Variants in GOSR2 observed in about 807,000 individuals in gnomAD.
GOSR2 encodes 27 kDa Golgi SNARE protein.
A neutral mutation model predicts 27.9 loss-of-function variants in GOSR2; 20 were observed. The ratio of observed to expected loss-of-function variants is 0.72; its 90% CI spans 0.50 to 1.04. GOSR2 has a LOEUF of 1.04. Ranked by LOEUF, GOSR2 falls within the 50% of genes least tolerant of loss-of-function variation. The pLI is 0.00. For synonymous variants in GOSR2, 91 were observed against 98.8 expected (o/e 0.92, Z 0.47); for missense variants, 261 against 270.5 (o/e 0.97, Z 0.25).
intron 6 of GOSR2, among the ~76,000 whole-genome samples, chr17:46,956,277 CTTTTTTTTTTTTTT>C (rs869045527): frequency 9.6e-5 from 6 of 62,628 alleles, no homozygotes; most frequent in African/African-American, 3.7e-4. Context: ...CTTGCCAGTC[CTTTTTTTTTTTTTT>C]TTTTTTTTTT....
chr17:46,960,446 G>A (rs113762664), intron 6 of GOSR2, among the ~76,000 whole-genome samples: 105 of 152,316 alleles, frequency 6.9e-4, no homozygotes, highest in African/African-American at 2.4e-3. Context: ...CAGTTTGGCA[G>A]TGTCTTACAG....
At chr17:46,968,862 A>G (rs2091362531), downstream of GOSR2, 1 of 152,262 alleles carries the variant, frequency 6.6e-6, no homozygotes, top group Non-Finnish European at 1.5e-5. Context: ...CAGACCCCCA[A>G]GGATTCTGAT....
downstream of GOSR2, among the ~76,000 whole-genome samples, chr17:46,946,299 A>G (rs1201268574): frequency 1.3e-4 from 18 of 142,988 alleles, no homozygotes; most frequent in South Asian, 2.2e-4. Flanking sequence ...AAAAAAAAAA[A>G]AAAGAAAAGA....
chr17:46,950,283 G>A (rs1291138443), intron 6 of GOSR2, among the ~76,000 whole-genome samples: 1 of 152,206 alleles, frequency 6.6e-6, no homozygotes, highest in Non-Finnish European at 1.5e-5. Flanking sequence ...CCCAGAGAGT[G>A]TGGACTCTCT....
intron 2 of GOSR2, chr17:46,930,540 G>A (rs2089365062): frequency 6.5e-6 from 1 of 153,388 alleles, no homozygotes; most frequent in South Asian, 2.1e-4. Context: ...TTATTTTGGG[G>A]ACGTCAACAT....
chr17:46,929,117 T>C (rs1490939919), intron 1 of GOSR2, among the ~76,000 whole-genome samples: 2 of 152,190 alleles, frequency 1.3e-5, no homozygotes, highest in African/African-American at 4.8e-5. Flanking sequence ...TACAGGCCAG[T>C]GCTTAGCACA....
rs2088940496 is a variant in GOSR2 at position 46,939,395 on chromosome 17, G to C, written c.*635G>C. On this transcript the variant is annotated 3_prime_UTR_variant, in exon 6 of 6. Transcript: ENST00000640051. ...GTAAGATTTTCCACACTACAGCTGG[G>C]TGTTTCTCTTTTCTAAAGTGAGGCC... is the stretch of plus-strand genomic sequence containing the variant. 49 of 995,636 alleles carry C rather than the reference G, an allele frequency of 4.9e-5. No individual in the cohort carries two copies. The highest frequency in any genetic ancestry group is 5.6e-5 in the Non-Finnish European group (47 of 834,848). 61.7% of individuals were successfully genotyped at this position (995,636 alleles called of 1,614,324 possible).
intron 6 of GOSR2, chr17:46,965,175 C>T (rs2091257075): frequency 6.6e-6 from 1 of 152,162 alleles, no homozygotes; most frequent in Admixed American, 6.5e-5. Flanking sequence ...TGGGCAGGGC[C>T]CAGGGCATAG....
Position 46,941,053 on chromosome 17 carries a change from G to C in GOSR2, c.*2293G>C. On this transcript the variant is annotated 3_prime_UTR_variant, in exon 6 of 6. Transcript: ENST00000640051. ...AGGTCGAGCTGATGCAAGAAACTCC[G>C]GTAGCCAGCCTCTGTGACCTTGTAC... The C allele has an allele frequency of 1.8e-6, 2 of 1,084,342 alleles. No individual in the cohort carries two copies. The highest frequency in any genetic ancestry group is 1.1e-6 in the Non-Finnish European group (1 of 888,048). 67.2% of individuals were successfully genotyped at this position (1,084,342 alleles called of 1,614,324 possible).
At chr17:46,934,118 T>C (rs911112863) in intron 4 of GOSR2, among the ~76,000 whole-genome samples, 1 of 152,184 alleles carries the variant, frequency 6.6e-6, no homozygotes, top group African/African-American at 2.4e-5. Context: ...CTCTACAGTG[T>C]GGGTAACAGG....
downstream of GOSR2, among the ~76,000 whole-genome samples, chr17:46,969,199 A>G (rs1474998522): frequency 1.3e-5 from 2 of 152,202 alleles, no homozygotes; most frequent in Admixed American, 6.5e-5. Context: ...CCAGGTTTCC[A>G]GAGCCTTCTT....
At chr17:46,969,354 G>C (rs1021946296), downstream of GOSR2, among the ~76,000 whole-genome samples, 4 of 152,234 alleles carry the variant, frequency 2.6e-5, no homozygotes, top group African/African-American at 7.2e-5. Flanking sequence ...GGTGTCAGCA[G>C]GAAGGAGGGT....
intron 1 of GOSR2, among the ~76,000 whole-genome samples, chr17:46,924,808 T>C (rs2086245114): frequency 6.6e-6 from 1 of 152,244 alleles, no homozygotes; most frequent in Non-Finnish European, 1.5e-5. Context: ...ATTATGTTCA[T>C]GTTACTAAGA....
Position 46,923,176 on chromosome 17 carries a change from C to G in GOSR2, c.-17C>G. On this transcript the variant is annotated 5_prime_UTR_variant, in exon 1 of 6. Coordinates refer to ENST00000640051, the MANE Select transcript of GOSR2 (RefSeq NM_004287.5). ...GAGGAAGCCAGAGCCGGAGCCGTGG[C>G]CTGCGGGGCCGGCGACATGGATCCC... The G allele has an allele frequency of 2.0e-6, 3 of 1,519,702 alleles. No homozygotes were observed. Among genetic ancestry groups the G allele is most frequent in the Non-Finnish European group, 2.7e-6 (3 of 1,118,176 alleles). The allele number at this position is 1,519,702 out of a possible 1,614,324, so 94.1% of individuals were successfully genotyped here.
rs1005492393 is a variant in GOSR2, at chr17:46,927,781, T to C, written c.30-1739T>C. ...ATTGTTACTGCTTTGTAAGTCATAA[T>C]GGCAGGTGGGACAAGTCATTCCTCC... On this transcript the variant is annotated intron_variant, in intron 1 of 5. Transcript: ENST00000640051. Among the ~76,000 whole-genome samples, 8 of 152,302 alleles carry C rather than the reference T, an allele frequency of 5.3e-5. No homozygotes were observed. The East Asian group carries it at 7.7e-4, about 15-fold the overall frequency.
chr17:46,964,107 A>G (rs763266738), intron 6 of GOSR2: 1 of 152,140 alleles, frequency 6.6e-6, no homozygotes, highest in Non-Finnish European at 1.5e-5. Flanking sequence ...CTGAGTTGGT[A>G]TGGGCTCTCC....
chr17:46,938,538 T>G, intron 5 of GOSR2, 61 bp from the exon 6 acceptor site: 3 of 1,610,280 alleles, frequency 1.9e-6, no homozygotes, highest in Non-Finnish European at 2.5e-6. Context: ...CTGATGCCAT[T>G]CACCCACTCT....
chr17:46,931,152 C>T lies in GOSR2; in HGVS notation c.148C>T (p.Arg50Cys), dbSNP rs143754727. Reference protein sequence around the residue: ...SIDQIFSRLERLEILSSKEPP... With the variant: ...SIDQIFSRLECLEILSSKEPP... ...AGACCAGATATTCAGCCGTCTAGAA[C>T]GTCTGGAGATTTTGTCCAGCAAGGA... is the stretch of plus-strand genomic sequence containing the variant. The change falls in exon 3 of 6, where the codon CGT (arginine) becomes TGT (cysteine). Residue 50 changes from arginine (R) to cysteine (C), a missense_variant. Arg to Cys is a radical substitution (Grantham distance 180). Coordinates refer to ENST00000640051, the MANE Select transcript of GOSR2 (RefSeq NM_004287.5). 1,042 of 1,611,544 alleles carry T rather than the reference C, an allele frequency of 6.5e-4. 12 individuals are homozygous for T. Among genetic ancestry groups the T allele is most frequent in the Middle Eastern group, 3.3e-4 (2 of 6,044 alleles).
At chr17:46,923,523 T>C in intron 1 of GOSR2, 1 of 1,355,558 alleles carries the variant, frequency 7.4e-7, no homozygotes, top group South Asian at 2.0e-5. Context: ...TAAAACTTTG[T>C]CCAGCACTTG....
Sources: gnomAD v4.1 joint callset for allele counts (sites outside exome capture counted in the v4.1 genomes callset) on GRCh38, gnomAD v4.1.1 for gene constraint, MANE v1.5 for transcripts, NCBI Gene and HGNC (gene_info 2026-07-23, HGNC 2026-07-21) for gene names.